NOL4: variants seen among roughly 807,000 people sequenced by gnomAD.
NOL4 encodes nucleolar protein 4, also known as cancer/testis antigen 125.
NOL4 carries 17 observed loss-of-function variants against 75.9 expected under a neutral mutation model. That is an observed-to-expected ratio of 0.22 (90% CI 0.15 to 0.34). The LOEUF is 0.34. NOL4 is among the 10% of genes least tolerant of loss of function. The pLI is 1.00. For synonymous variants in NOL4, 292 were observed against 289.9 expected (o/e 1.01, Z -0.07); for missense variants, 614 against 793.5 (o/e 0.77, Z 2.72).
intron 2 of NOL4, chr18:34,128,763 A>C (rs1285109936): frequency 3.6e-5 from 14 of 386,212 alleles, no homozygotes; most frequent in Non-Finnish European, 4.3e-5. Flanking sequence ...ACAAAGATTC[A>C]ATATGACCCT....
chr18:34,096,960 T>A (rs1331096069), intron 4 of NOL4, among the ~76,000 whole-genome samples: 1 of 152,118 alleles, frequency 6.6e-6, no homozygotes, highest in Non-Finnish European at 1.5e-5. Context: ...CTATAAAGGG[T>A]CTCTACCATG....
At chr18:34,161,555 A>T (rs1252738206) in intron 1 of NOL4, among the ~76,000 whole-genome samples, 1 of 152,100 alleles carries the variant, frequency 6.6e-6, no homozygotes, top group African/African-American at 2.4e-5. Flanking sequence ...GTAAGATGTT[A>T]TCTCCTGTAG....
chr18:33,977,320 G>A (rs543282456), intron 6 of NOL4, among the ~76,000 whole-genome samples: 1 of 152,250 alleles, frequency 6.6e-6, no homozygotes, highest in South Asian at 2.1e-4. Flanking sequence ...TAATCCCCAC[G>A]TGTCATGGAG....
chr18:34,027,069 G>A (rs555104911), intron 5 of NOL4, among the ~76,000 whole-genome samples: 12 of 152,288 alleles, frequency 7.9e-5, no homozygotes, highest in Admixed American at 5.2e-4. Flanking sequence ...GACATGTGTC[G>A]CATTCTACAT....
chr18:34,022,430 A>G (rs1224586995), intron 5 of NOL4, among the ~76,000 whole-genome samples: 1 of 152,080 alleles, frequency 6.6e-6, no homozygotes, highest in Non-Finnish European at 1.5e-5. Context: ...GGGATTCAAA[A>G]TATTATTTTA....
At chr18:33,982,569 C>G (rs1425085797) in intron 6 of NOL4, among the ~76,000 whole-genome samples, 1 of 151,950 alleles carries the variant, frequency 6.6e-6, no homozygotes, top group South Asian at 2.1e-4. Context: ...GAGGCAAACA[C>G]CAACAGTACC....
At chr18:34,201,801 A>C (rs1208779065) in intron 1 of NOL4, among the ~76,000 whole-genome samples, 1 of 151,846 alleles carries the variant, frequency 6.6e-6, no homozygotes, top group African/African-American at 2.4e-5. Flanking sequence ...TTTCTATTTC[A>C]ACCTATAATT....
chr18:34,080,780 A>G (rs1230047825), intron 5 of NOL4, among the ~76,000 whole-genome samples: 1 of 152,210 alleles, frequency 6.6e-6, no homozygotes, highest in Non-Finnish European at 1.5e-5. Context: ...ATCATTGTTA[A>G]TGGCAAAAAG....
chr18:33,996,544 C>T (rs2073297764), intron 6 of NOL4, among the ~76,000 whole-genome samples: 1 of 151,632 alleles, frequency 6.6e-6, no homozygotes, highest in South Asian at 2.1e-4. Flanking sequence ...GCATAGTATC[C>T]AATAGGTAGC....
chr18:33,879,280 A>G (rs927286806), intron 10 of NOL4, among the ~76,000 whole-genome samples: 2 of 152,104 alleles, frequency 1.3e-5, no homozygotes, highest in Non-Finnish European at 2.9e-5. Context: ...TTAAAAAGTT[A>G]TAGTTTATGC....
chr18:34,142,952 A>G (rs1398684208), intron 1 of NOL4, among the ~76,000 whole-genome samples: 1 of 152,194 alleles, frequency 6.6e-6, no homozygotes, highest in Non-Finnish European at 1.5e-5. Context: ...CAATAAAAAT[A>G]TTACAAACCT....
At chr18:34,121,057 T>C (rs1226182323) in intron 2 of NOL4, among the ~76,000 whole-genome samples, 2 of 152,248 alleles carry the variant, frequency 1.3e-5, no homozygotes, top group African/African-American at 2.4e-5. Flanking sequence ...AGAATTCTTA[T>C]ATTAGATGAA....
At chr18:34,115,455 T>G (rs1309602979) in intron 2 of NOL4, among the ~76,000 whole-genome samples, 1 of 151,894 alleles carries the variant, frequency 6.6e-6, no homozygotes, top group Non-Finnish European at 1.5e-5. Flanking sequence ...CAATCTACCA[T>G]GCACAACTAA....
At chr18:34,185,626 T>C (rs1189102796) in intron 1 of NOL4, among the ~76,000 whole-genome samples, 1 of 152,172 alleles carries the variant, frequency 6.6e-6, no homozygotes, top group African/African-American at 2.4e-5. Context: ...ACTCTACTCT[T>C]TTCAATTGTG....
intron 6 of NOL4, among the ~76,000 whole-genome samples, chr18:34,005,109 T>A (rs1471327798): frequency 6.6e-6 from 1 of 152,144 alleles, no homozygotes; most frequent in Admixed American, 6.6e-5. Flanking sequence ...CCAAAAGTAA[T>A]TTAAAAACTA....
chr18:33,943,946 A>G (rs1345987060), intron 8 of NOL4, among the ~76,000 whole-genome samples: 1 of 151,948 alleles, frequency 6.6e-6, no homozygotes, highest in African/African-American at 2.4e-5. Context: ...CATGATAACC[A>G]TAACAAAAAT....
chr18:33,961,580 T>C (rs1251094321), intron 6 of NOL4, among the ~76,000 whole-genome samples: 3 of 152,128 alleles, frequency 2.0e-5, no homozygotes, highest in Non-Finnish European at 4.4e-5. Context: ...TTATTCTATA[T>C]ATTATATATC....
At chr18:34,122,763 CT>C (rs1264616751) in intron 2 of NOL4, among the ~76,000 whole-genome samples, 2 of 152,058 alleles carry the variant, frequency 1.3e-5, no homozygotes, top group Non-Finnish European at 2.9e-5. Flanking sequence ...AATTCATTAC[CT>C]ATATAGTTAT....
At chr18:34,222,001 A>G (rs1298531438) in intron 1 of NOL4, 1 of 1,528,356 alleles carries the variant, frequency 6.5e-7, no homozygotes, top group Admixed American at 2.0e-5. Context: ...CCCCATCCCT[A>G]CTCCAGGCGA....
Sources: allele counts gnomAD v4.1 joint callset (sites outside exome capture counted in the v4.1 genomes callset), GRCh38; gene constraint gnomAD v4.1.1; transcripts MANE v1.5; gene names NCBI Gene and HGNC (gene_info 2026-07-23, HGNC 2026-07-21).